The following PRKAG2 variants were observed in gnomAD, a reference collection of about 807,000 sequenced individuals.
PRKAG2 encodes 5'-AMP-activated protein kinase subunit gamma-2.
PRKAG2 carries 26 observed loss-of-function variants against 69.6 expected under a neutral mutation model. The ratio of observed to expected loss-of-function variants is 0.37; its 90% CI spans 0.27 to 0.52. The LOEUF (loss-of-function observed/expected upper bound fraction) is 0.52. Ranked by LOEUF, PRKAG2 falls within the 20% of genes least tolerant of loss-of-function variation. The pLI, the probability that PRKAG2 is intolerant of heterozygous loss-of-function variation, is 0.90. For synonymous variants in PRKAG2, 293 were observed against 285.0 expected, an observed-to-expected ratio of 1.03 and a Z score of -0.28; for missense variants, 557 against 740.0, an observed-to-expected ratio of 0.75 and a Z score of 2.87.
intron 1 of PRKAG2, among the ~76,000 whole-genome samples, chr7:151,823,065 A>G (rs1248223566): frequency 4.0e-5 from 6 of 149,460 alleles, no homozygotes; most frequent in African/African-American, 1.5e-4. Context: ...CGCAAGCTCA[A>G]CTGCAGAACC....
intron 1 of PRKAG2, among the ~76,000 whole-genome samples, chr7:151,853,496 C>T (rs4726103): frequency 0.72 from 108,747 of 151,988 alleles, 39,063 homozygotes; most frequent in Middle Eastern, 0.82. Flanking sequence ...ATATGGCTCA[C>T]GCCTGTAATC....
At chr7:151,817,332 C>A (rs951997920) in intron 1 of PRKAG2, among the ~76,000 whole-genome samples, 2 of 152,208 alleles carry the variant, frequency 1.3e-5, no homozygotes, top group Non-Finnish European at 2.9e-5. Context: ...GACTCACCCG[C>A]TCTAATTCAT....
intron 6 of PRKAG2, among the ~76,000 whole-genome samples, chr7:151,591,290 G>A (rs925368186): frequency 2.0e-5 from 3 of 152,210 alleles, no homozygotes; most frequent in African/African-American, 4.8e-5. Flanking sequence ...ACTTTCACCC[G>A]TGTGTCTCAA....
At position 151,781,091 on chromosome 7, in the gene PRKAG2, G is replaced by A. The variant is rs2076643740; in HGVS notation, c.466+61C>T. 1.2e-6 allele frequency: 2 copies of A among 1,603,990 alleles called. No homozygotes were observed. Among genetic ancestry groups the A allele is most frequent in the Non-Finnish European group, 1.7e-6 (2 of 1,173,502 alleles). On this transcript the variant is annotated intron_variant, in intron 3 of 15. Transcript: ENST00000287878. The surrounding 1 kb of genome is among the most constrained non-coding windows in gnomAD (Gnocchi z 6.1). ...GCTTCGGTGCCACCGTGGATGTGTG[G>A]CTGCAGAAGAGACCCCCAGCACCCC...
At chr7:151,711,410 G>A (rs549927234) in intron 3 of PRKAG2, among the ~76,000 whole-genome samples, 1 of 152,236 alleles carries the variant, frequency 6.6e-6, no homozygotes, top group East Asian at 1.9e-4. Context: ...TAAGCTTAGA[G>A]TACTAAGAGT....
chr7:151,676,273 G>A (rs1445887017), intron 3 of PRKAG2, among the ~76,000 whole-genome samples: 1 of 148,672 alleles, frequency 6.7e-6, no homozygotes, highest in Non-Finnish European at 1.5e-5. Flanking sequence ...GGAGGGGAGG[G>A]GAGGGGAGGG....
chr7:151,675,110 A>G (rs1300876465), intron 4 of PRKAG2: 5 of 371,936 alleles, frequency 1.3e-5, no homozygotes, highest in Non-Finnish European at 2.6e-5. Flanking sequence ...TGGTAGAGAC[A>G]GGGTTTTGCC....
At chr7:151,874,732 A>C (rs1340269669) in intron 1 of PRKAG2, among the ~76,000 whole-genome samples, 1 of 152,170 alleles carries the variant, frequency 6.6e-6, no homozygotes, top group African/African-American at 2.4e-5. Context: ...CAAAAAAAAT[A>C]AATAAATTAG....
At chr7:151,557,911 C>T (rs1265233677) in intron 15 of PRKAG2, 2 of 982,168 alleles carry the variant, frequency 2.0e-6, no homozygotes. Flanking sequence ...AAAAAAAAAC[C>T]TTTATAAATA....
rs1806424309 is a variant in PRKAG2, at chr7:151,567,069, G to A, written c.1234-1184C>T. ...ATCTCACGCTTTTACTCCCTCTTGT[G>A]CAACAGCACACTAGCAGAAATAGTT... is the stretch of plus-strand genomic sequence containing the variant. On this transcript the variant is annotated intron_variant, in intron 11 of 15. Coordinates refer to ENST00000287878, the MANE Select transcript of PRKAG2 (RefSeq NM_016203.4). The surrounding 1 kb of genome is among the most constrained non-coding windows in gnomAD (Gnocchi z 4.2). Among the ~76,000 whole-genome samples, 1 of 152,152 alleles carries A rather than the reference G, an allele frequency of 6.6e-6. No individual in the cohort carries two copies. Among genetic ancestry groups the A allele is most frequent in the Non-Finnish European group, 1.5e-5 (1 of 68,016 alleles).
In PRKAG2 at chr7:151,632,128, G is replaced by T; in HGVS notation, c.695C>A (p.Ala232Glu). 7.1e-7 allele frequency: 1 copy of T among 1,403,882 alleles called. No homozygotes were observed. The allele number at this position is 1,403,882 out of a possible 1,614,324, so 87.0% of individuals were successfully genotyped here. A position where few individuals can be genotyped will look rare whatever the true frequency, so the allele number is the denominator to read the frequency against. ...HYAPSKAAAL[A>E]AALGPAEAGM... ...GGCTTCCGCGGGTCCCAGGGCCGCCGCCAGCGCCGCCTGAGGGGGAGGAGG... is the reference window on the plus strand; with the variant it reads ...GGCTTCCGCGGGTCCCAGGGCCGCCTCCAGCGCCGCCTGAGGGGGAGGAGG... The change falls in exon 5 of 16, where the codon GCG becomes GAG. Residue 232 changes from alanine to glutamate, a missense_variant. Ala to Glu is a moderately radical substitution (Grantham distance 107). Coordinates refer to ENST00000287878, the MANE Select transcript of PRKAG2 (RefSeq NM_016203.4). This position sits in a 1 kb window ranked among gnomAD's most constrained non-coding sequence, Gnocchi z 4.2.
At chr7:151,558,369 G>A in intron 15 of PRKAG2, 1 of 985,438 alleles carries the variant, frequency 1.0e-6, no homozygotes, top group Non-Finnish European at 1.2e-6. Flanking sequence ...CCCGGGCACT[G>A]CGCCTCATTG....
intron 3 of PRKAG2, among the ~76,000 whole-genome samples, chr7:151,705,024 A>G (rs1229341449): frequency 1.3e-5 from 2 of 152,222 alleles, no homozygotes; most frequent in Non-Finnish European, 2.9e-5. Context: ...GTCAGATACT[A>G]TCTTCTATAG....
chr7:151,872,290 G>A (rs1453723219), intron 1 of PRKAG2, among the ~76,000 whole-genome samples: 1 of 152,174 alleles, frequency 6.6e-6, no homozygotes, highest in Non-Finnish European at 1.5e-5. Flanking sequence ...TACCCTGGGG[G>A]GGGGCTTTTG....
Position 151,681,041 on chromosome 7 carries a change from C to T in PRKAG2, c.467-5404G>A, listed in dbSNP as rs960071218. ...TAAAGAGAATGCAACTGTGACCAAG[C>T]CCCTCCCCACCCCCTGCCGAGAGCT... On this transcript the variant is annotated intron_variant, in intron 3 of 15. Transcript: ENST00000287878. Among the ~76,000 whole-genome samples, 5 of 152,308 alleles carry T rather than the reference C, an allele frequency of 3.3e-5. No homozygotes were observed. The South Asian group carries it at 1.0e-3, about 32-fold the overall frequency.
intron 5 of PRKAG2, among the ~76,000 whole-genome samples, chr7:151,613,734 G>C: frequency 6.6e-6 from 1 of 150,840 alleles, no homozygotes. Context: ...CTGACCTCAG[G>C]TGATCTGCCC....
chr7:151,876,185 C>T (rs979906580), intron 1 of PRKAG2, among the ~76,000 whole-genome samples: 4 of 151,994 alleles, frequency 2.6e-5, no homozygotes, highest in Non-Finnish European at 5.9e-5. Flanking sequence ...AACGCACCGC[C>T]CCCCGCACCC....
intron 1 of PRKAG2, among the ~76,000 whole-genome samples, chr7:151,860,940 T>C (rs111967313): frequency 2.0e-4 from 30 of 152,230 alleles, no homozygotes; most frequent in African/African-American, 6.0e-4. Flanking sequence ...TGCTTCTAGG[T>C]AGAGCTTGCC....
Position 151,632,251 on chromosome 7 carries a change from A to C in PRKAG2, c.685-113T>G, listed in dbSNP as rs1824755612. ...CTGGCTCTGCCGCGCCGCCGGGAGG[A>C]GGGGCCTGGCAGGGGACGCGGGCAG... On this transcript the variant is annotated intron_variant, in intron 4 of 15. Transcript: ENST00000287878. This position sits in a 1 kb window ranked among gnomAD's most constrained non-coding sequence, Gnocchi z 4.2. 5.6e-6 allele frequency: 6 copies of C among 1,063,914 alleles called. No homozygotes were observed. The highest frequency in any genetic ancestry group is 6.8e-6 in the Non-Finnish European group (6 of 881,386). The allele number at this position is 1,063,914 out of a possible 1,614,324, so 65.9% of individuals were successfully genotyped here. A position where few individuals can be genotyped will look rare whatever the true frequency, so the allele number is the denominator to read the frequency against.
Sources: gnomAD v4.1 joint callset for allele counts (sites outside exome capture counted in the v4.1 genomes callset) on GRCh38, gnomAD v4.1.1 for gene constraint, Gnocchi (gnomAD v3.1) non-coding constraint, MANE v1.5 for transcripts, NCBI Gene and HGNC (gene_info 2026-07-23, HGNC 2026-07-21) for gene names.